Variants in OPCML observed in about 807,000 individuals in gnomAD.
OPCML encodes the protein opioid-binding protein/cell adhesion molecule.
OPCML carries 13 observed loss-of-function variants against 37.8 expected under a neutral mutation model. The ratio of observed to expected loss-of-function variants is 0.34; its 90% CI spans 0.22 to 0.55. OPCML has a LOEUF of 0.55. Ranked by LOEUF, OPCML falls within the 20% of genes least tolerant of loss-of-function variation. The pLI is 0.91. For synonymous variants in OPCML, 176 were observed against 168.8 expected (o/e 1.04, Z -0.33); for missense variants, 341 against 435.6 (o/e 0.78, Z 1.93).
intron 1 of OPCML, among the ~76,000 whole-genome samples, chr11:133,100,684 T>C (rs1949072648): frequency 1.3e-5 from 2 of 151,834 alleles, no homozygotes; most frequent in Non-Finnish European, 2.9e-5. Context: ...AACTGATCCA[T>C]GACAGAAGAC....
intron 1 of OPCML, among the ~76,000 whole-genome samples, chr11:133,139,031 T>C (rs1949731978): frequency 6.6e-6 from 1 of 152,216 alleles, no homozygotes; most frequent in Admixed American, 6.5e-5. Flanking sequence ...TTTCAAAGTA[T>C]TTGTTGACTA....
intron 2 of OPCML, among the ~76,000 whole-genome samples, chr11:132,854,930 G>T (rs2136339488): frequency 6.6e-6 from 1 of 152,280 alleles, no homozygotes; most frequent in East Asian, 1.9e-4. Flanking sequence ...CTAGGTGTAG[G>T]CCAAGCTAAG....
Position 133,187,905 on chromosome 11 carries a change from T to C in OPCML, c.62-244895A>G, listed in dbSNP as rs541135761. On this transcript the variant is annotated intron_variant, in intron 1 of 7. Coordinates refer to ENST00000524381, the MANE Select transcript of OPCML (RefSeq NM_001012393.5). ...GATCAGAAGGATGAAATAAACTGTC[T>C]CAGACCACACAGCTAACACATGGTG... 2.6e-5 allele frequency among the ~76,000 whole-genome samples: 4 copies of C among 152,292 alleles called. No individual in the cohort carries two copies. The South Asian group carries it at 8.3e-4, about 32-fold the overall frequency.
At chr11:133,202,661 A>G (rs527909256) in intron 1 of OPCML, among the ~76,000 whole-genome samples, 14 of 152,322 alleles carry the variant, frequency 9.2e-5, no homozygotes, top group Non-Finnish European at 1.8e-4. Context: ...AACTTCTTCT[A>G]GTAGCAACCC....
intron 4 of OPCML, among the ~76,000 whole-genome samples, chr11:132,524,154 C>T (rs929338876): frequency 6.6e-6 from 1 of 152,234 alleles, no homozygotes; most frequent in Non-Finnish European, 1.5e-5. Flanking sequence ...ACTCCCATCC[C>T]TGCAACTTTT....
chr11:133,223,916 C>A (rs1040371741), intron 1 of OPCML, among the ~76,000 whole-genome samples: 2 of 152,162 alleles, frequency 1.3e-5, no homozygotes, highest in African/African-American at 2.4e-5. Flanking sequence ...AATCTGGGAA[C>A]ACCACCAACG....
intron 1 of OPCML, among the ~76,000 whole-genome samples, chr11:133,517,700 G>A (rs1789865993): frequency 6.6e-6 from 1 of 152,248 alleles, no homozygotes; most frequent in African/African-American, 2.4e-5. Context: ...CCAAGCAGCA[G>A]TGAGCAGCGC....
At chr11:132,713,968 T>G (rs1944370020) in intron 2 of OPCML, among the ~76,000 whole-genome samples, 1 of 152,324 alleles carries the variant, frequency 6.6e-6, no homozygotes, top group South Asian at 2.1e-4. Flanking sequence ...AAAAACAACC[T>G]AAGTAAACAG....
chr11:133,042,789 C>G (rs1947931733), intron 1 of OPCML, among the ~76,000 whole-genome samples: 1 of 152,168 alleles, frequency 6.6e-6, no homozygotes, highest in South Asian at 2.1e-4. Context: ...CAGCTACTCG[C>G]TGAAGCAAGA....
chr11:132,747,621 T>A (rs1210958142), intron 2 of OPCML, among the ~76,000 whole-genome samples: 26 of 152,158 alleles, frequency 1.7e-4, no homozygotes, highest in Admixed American at 1.7e-3. Context: ...TCTTCCTCAG[T>A]CCTCAGACAC....
intron 3 of OPCML, among the ~76,000 whole-genome samples, chr11:132,643,426 G>A (rs1379719977): frequency 3.9e-5 from 6 of 152,102 alleles, no homozygotes; most frequent in South Asian, 4.2e-4. Flanking sequence ...GGCTTGCACC[G>A]GGAGGGCTGC....
At chr11:132,825,104 A>G (rs1465381486) in intron 2 of OPCML, among the ~76,000 whole-genome samples, 1 of 152,134 alleles carries the variant, frequency 6.6e-6, no homozygotes, top group East Asian at 1.9e-4. Context: ...TACATATTTG[A>G]TTATTATCTG....
Position 133,419,371 on chromosome 11 carries a change from A to G in OPCML, c.61+112893T>C, listed in dbSNP as rs1353623851. 6.1e-6 allele frequency: 6 copies of G among 983,756 alleles called. No individual in the cohort carries two copies. In the East Asian group the frequency reaches 3.4e-4, roughly 56 times the overall value. 60.9% of individuals were successfully genotyped at this position (983,756 alleles called of 1,614,324 possible). ...TAGTGATGTGCTGGAGTCAGCTTCT[A>G]CCCACTCGTCAGAGCTTATTGCTAA... On this transcript the variant is annotated intron_variant, in intron 1 of 7. Coordinates refer to ENST00000524381, the MANE Select transcript of OPCML (RefSeq NM_001012393.5).
intron 2 of OPCML, among the ~76,000 whole-genome samples, chr11:132,673,200 T>C (rs943112379): frequency 6.6e-6 from 1 of 152,178 alleles, no homozygotes; most frequent in African/African-American, 2.4e-5. Context: ...GCACAGTTAA[T>C]GTCCGCTCAT....
intron 7 of OPCML, among the ~76,000 whole-genome samples, chr11:132,425,654 G>C (rs1258944185): frequency 6.6e-6 from 1 of 152,178 alleles, no homozygotes; most frequent in Non-Finnish European, 1.5e-5. Flanking sequence ...TGGGGGTTCT[G>C]CTTTTAAAGA....
intron 1 of OPCML, among the ~76,000 whole-genome samples, chr11:132,949,808 G>C (rs207472555): frequency 6.6e-6 from 1 of 152,178 alleles, no homozygotes; most frequent in Non-Finnish European, 1.5e-5. Context: ...TTCTGCACGG[G>C]TGTGTAAGCA....
intron 4 of OPCML, among the ~76,000 whole-genome samples, chr11:132,459,332 G>A (rs927345274): frequency 1.3e-5 from 2 of 151,760 alleles, no homozygotes; most frequent in Non-Finnish European, 2.9e-5. Context: ...TGTGCTTGGA[G>A]AAGGCAGGTC....
intron 1 of OPCML, among the ~76,000 whole-genome samples, chr11:133,158,760 A>G (rs1950102949): frequency 6.6e-6 from 1 of 150,606 alleles, no homozygotes. Flanking sequence ...AATAAAATGA[A>G]AATTAAAAAA....
intron 2 of OPCML, among the ~76,000 whole-genome samples, chr11:132,864,576 A>C (rs554316048): frequency 6.6e-6 from 1 of 152,200 alleles, no homozygotes; most frequent in African/African-American, 2.4e-5. Flanking sequence ...TCAGGTCTAA[A>C]ATTTCTCTGC....
Sources: gnomAD v4.1 joint callset for allele counts (sites outside exome capture counted in the v4.1 genomes callset) on GRCh38, gnomAD v4.1.1 for gene constraint, MANE v1.5 for transcripts, NCBI Gene and HGNC (gene_info 2026-07-23, HGNC 2026-07-21) for gene names.